The following PDE4D variants were observed in gnomAD, a reference collection of about 807,000 sequenced individuals.
The protein encoded by PDE4D is 3',5'-cyclic-AMP phosphodiesterase 4D.
Under a neutral mutation model 87.4 loss-of-function variants are expected in PDE4D, and 24 were observed. The ratio of observed to expected loss-of-function variants is 0.27; its 90% CI spans 0.20 to 0.39. The LOEUF (loss-of-function observed/expected upper bound fraction) is 0.39. PDE4D is among the 10% of genes least tolerant of loss of function. The pLI, the probability that PDE4D is intolerant of heterozygous loss-of-function variation, is 1.00. For synonymous variants in PDE4D, 384 were observed against 383.2 expected (o/e 1.00, Z -0.02); for missense variants, 714 against 1,041.0 (o/e 0.69, Z 4.32).
intron 1 of PDE4D, among the ~76,000 whole-genome samples, chr5:60,472,151 T>C (rs1252299125): frequency 1.3e-5 from 2 of 152,176 alleles, no homozygotes; most frequent in Non-Finnish European, 2.9e-5. Flanking sequence ...ATACAGTGCT[T>C]ACTATATGTC....
At chr5:59,096,614 C>G (rs1769768390) in intron 5 of PDE4D, among the ~76,000 whole-genome samples, 1 of 152,058 alleles carries the variant, frequency 6.6e-6, no homozygotes, top group South Asian at 2.1e-4. Context: ...AGGTATGGCA[C>G]TAGATTGCAG....
intron 6 of PDE4D, among the ~76,000 whole-genome samples, chr5:59,019,236 C>T (rs1011070060): frequency 6.6e-6 from 1 of 152,068 alleles, no homozygotes; most frequent in African/African-American, 2.4e-5. Flanking sequence ...CTCTTTTCAT[C>T]ACTATCCTAT....
At chr5:59,998,774 A>G (rs750001037) in intron 2 of PDE4D, among the ~76,000 whole-genome samples, 1 of 152,142 alleles carries the variant, frequency 6.6e-6, no homozygotes, top group Non-Finnish European at 1.5e-5. Flanking sequence ...CCTTCAAATA[A>G]TCAACAGAAA....
At chr5:59,042,556 T>A (rs1759864844) in intron 5 of PDE4D, among the ~76,000 whole-genome samples, 2 of 152,130 alleles carry the variant, frequency 1.3e-5, no homozygotes, top group Non-Finnish European at 1.5e-5. Flanking sequence ...ATGAAAACTC[T>A]TTAACTGCAC....
At chr5:60,219,684 C>T (rs1344284435) in intron 1 of PDE4D, among the ~76,000 whole-genome samples, 1 of 152,108 alleles carries the variant, frequency 6.6e-6, no homozygotes, top group Non-Finnish European at 1.5e-5. Context: ...AAATGCAAAC[C>T]AGTGGTTCTA....
chr5:60,090,831 C>CAATATACA (rs1343283293), intron 2 of PDE4D, among the ~76,000 whole-genome samples: 1 of 152,114 alleles, frequency 6.6e-6, no homozygotes, highest in Non-Finnish European at 1.5e-5. Flanking sequence ...ATTAAAGTTG[C>CAATATACA]AATATACAAA....
At chr5:60,081,008 C>T (rs1202142530) in intron 2 of PDE4D, among the ~76,000 whole-genome samples, 1 of 152,070 alleles carries the variant, frequency 6.6e-6, no homozygotes, top group Non-Finnish European at 1.5e-5. Context: ...CAGTCTGGTC[C>T]TAGGATTTTT....
intron 1 of PDE4D, among the ~76,000 whole-genome samples, chr5:59,495,672 A>T (rs1807044782): frequency 6.6e-6 from 1 of 152,188 alleles, no homozygotes; most frequent in Non-Finnish European, 1.5e-5. Context: ...CTGGGTGGCA[A>T]GACATGCAGC....
chr5:59,469,702 A>T (rs960146905), intron 1 of PDE4D, among the ~76,000 whole-genome samples: 1 of 152,198 alleles, frequency 6.6e-6, no homozygotes, highest in African/African-American at 2.4e-5. Context: ...CATTCTTGAC[A>T]AGCAAGAGCT....
chr5:59,319,699 CTT>C (rs1774380078), intron 1 of PDE4D, among the ~76,000 whole-genome samples: 1 of 152,022 alleles, frequency 6.6e-6, no homozygotes, highest in Non-Finnish European at 1.5e-5. Flanking sequence ...ATAGTTATGT[CTT>C]TTGGATTAAC....
At chr5:59,533,221 A>G (rs369793371) in intron 1 of PDE4D, among the ~76,000 whole-genome samples, 13 of 152,298 alleles carry the variant, frequency 8.5e-5, no homozygotes, top group African/African-American at 3.1e-4. Flanking sequence ...TTTATCATCT[A>G]TTTTTAGAAT....
At chr5:59,764,430 A>C (rs1762531216) in intron 1 of PDE4D, among the ~76,000 whole-genome samples, 1 of 152,188 alleles carries the variant, frequency 6.6e-6, no homozygotes, top group African/African-American at 2.4e-5. Flanking sequence ...TAACTTGACC[A>C]AAGTCACACA....
chr5:59,830,112 C>T (rs1456689533), intron 1 of PDE4D, among the ~76,000 whole-genome samples: 2 of 152,010 alleles, frequency 1.3e-5, no homozygotes, highest in Non-Finnish European at 2.9e-5. Flanking sequence ...GATGTGCTCA[C>T]ATTGGCAAGT....
intron 1 of PDE4D, among the ~76,000 whole-genome samples, chr5:59,434,771 G>A (rs898678797): frequency 3.3e-5 from 5 of 151,922 alleles, no homozygotes; most frequent in Non-Finnish European, 7.4e-5. Context: ...CCACCATTCA[G>A]CCAATAACCA....
intron 1 of PDE4D, among the ~76,000 whole-genome samples, chr5:59,568,374 ATCT>A (rs1821288571): frequency 6.6e-6 from 1 of 152,112 alleles, no homozygotes; most frequent in Non-Finnish European, 1.5e-5. Context: ...GAATAAGCAA[ATCT>A]TCTGTGGAGA....
intron 5 of PDE4D, among the ~76,000 whole-genome samples, chr5:59,101,847 G>A (rs1235713459): frequency 1.3e-5 from 2 of 151,864 alleles, no homozygotes; most frequent in African/African-American, 4.8e-5. Flanking sequence ...TCAATTAGAC[G>A]ACAAAGTCAG....
intron 1 of PDE4D, among the ~76,000 whole-genome samples, chr5:59,560,614 AGAG>A (rs2153691456): frequency 6.6e-6 from 1 of 152,352 alleles, no homozygotes; most frequent in South Asian, 2.1e-4. Flanking sequence ...GGTGAAGCTC[AGAG>A]GAGAGAGCAG....
chr5:59,126,310 A>G (rs1317744821), intron 5 of PDE4D, among the ~76,000 whole-genome samples: 2 of 152,238 alleles, frequency 1.3e-5, no homozygotes, highest in East Asian at 3.8e-4. Context: ...GATAACCCAA[A>G]TTCCTGCAAG....
intron 1 of PDE4D, among the ~76,000 whole-genome samples, chr5:60,468,312 T>C (rs1314103227): frequency 6.6e-6 from 1 of 151,906 alleles, no homozygotes; most frequent in Non-Finnish European, 1.5e-5. Flanking sequence ...CTAATTTCTA[T>C]ATTTTTAATA....
Sources: gnomAD v4.1 joint callset for allele counts (sites outside exome capture counted in the v4.1 genomes callset) on GRCh38, gnomAD v4.1.1 for gene constraint, MANE v1.5 for transcripts, NCBI Gene and HGNC (gene_info 2026-07-23, HGNC 2026-07-21) for gene names.